Variants in PLEKHM1 observed in about 807,000 individuals in gnomAD.
The protein encoded by PLEKHM1 is pleckstrin homology and RUN domain containing M1.
A neutral mutation model predicts 94.3 loss-of-function variants in PLEKHM1; 28 were observed. That is an observed-to-expected ratio of 0.30 (90% CI 0.22 to 0.41). The LOEUF (loss-of-function observed/expected upper bound fraction) is 0.41. Ranked by LOEUF, PLEKHM1 falls within the 10% of genes least tolerant of loss-of-function variation. PLEKHM1 has a pLI of 1.00. For missense variants in PLEKHM1, 907 were observed against 1,358.6 expected (o/e 0.67, Z 5.22); for synonymous variants, 424 against 581.2 (o/e 0.73, Z 3.89).
rs759505910 is a variant in PLEKHM1, at chr17:45,440,225, G to A, written c.2839C>T (p.Leu947Phe). The part of the protein sequence containing the change: ...SGALKELSKR[L>F]NHRNYLLESP... ...TCCAAGAGATAATTCCTGTGGTTGA[G>A]CCTTCAAACAAAACACAAGCGATTC... Residue 947 changes from leucine (L) to phenylalanine (F), a missense_variant and splice_region_variant, in exon 10 of 12, where the codon CTC (leucine) becomes TTC (phenylalanine). Leu to Phe is a conservative substitution (Grantham distance 22). Coordinates refer to ENST00000430334, the MANE Select transcript of PLEKHM1 (RefSeq NM_014798.3). 3 of 1,613,954 alleles carry A rather than the reference G, an allele frequency of 1.9e-6. No individual in the cohort carries two copies. The highest frequency in any genetic ancestry group is 2.5e-6 in the Non-Finnish European group (3 of 1,179,840).
At position 45,486,547 on chromosome 17, in the gene PLEKHM1, T is replaced by G. The variant is rs10432041; in HGVS notation, c.-41-4022A>C. Among the ~76,000 whole-genome samples, 6 of 151,816 alleles carry G rather than the reference T, an allele frequency of 4.0e-5. No individual in the cohort carries two copies. The East Asian group carries it at 1.2e-3, about 29-fold the overall frequency. On this transcript the variant is annotated intron_variant, in intron 1 of 11. Coordinates refer to ENST00000430334, the MANE Select transcript of PLEKHM1 (RefSeq NM_014798.3). ...CAAGATTGTGCCACTGCACCCCAGC[T>G]TGGGCAACAGAGCGAGACTCCATCT... is the stretch of plus-strand genomic sequence containing the variant.
chr17:45,453,276 G>C lies in PLEKHM1; in HGVS notation c.2497+79C>G. Reference sequence around the variant, plus strand: ...GGGGCATTTGCGGGGAGGCAGAAGGGTGGGGAGCCTAAATCAGGAACCAGC... The same window carrying C: ...GGGGCATTTGCGGGGAGGCAGAAGGCTGGGGAGCCTAAATCAGGAACCAGC... On this transcript the variant is annotated intron_variant, in intron 7 of 11. Transcript: ENST00000430334. This position sits in a 1 kb window ranked among gnomAD's most constrained non-coding sequence, Gnocchi z 4.1. 1 of 1,460,608 alleles carries C rather than the reference G, an allele frequency of 6.8e-7. No homozygotes were observed. The highest frequency in any genetic ancestry group is 1.4e-5 in the African/African-American group (1 of 71,452). The allele number at this position is 1,460,608 out of a possible 1,614,324, so 90.5% of individuals were successfully genotyped here.
chr17:45,485,579 C>A (rs556953636), intron 1 of PLEKHM1, among the ~76,000 whole-genome samples: 2 of 152,278 alleles, frequency 1.3e-5, no homozygotes, highest in Admixed American at 1.3e-4. Context: ...TAAGTGAGTG[C>A]TCTGGCCAAG....
chr17:45,453,157 C>T lies in PLEKHM1; in HGVS notation c.2497+198G>A. ...AGGGACGGGTGAGCAGGGCCCACTG[C>T]CTATGAGCAGGGCACTGGCCCCAGC... On this transcript the variant is annotated intron_variant, in intron 7 of 11. Coordinates refer to ENST00000430334, the MANE Select transcript of PLEKHM1 (RefSeq NM_014798.3). This position sits in a 1 kb window ranked among gnomAD's most constrained non-coding sequence, Gnocchi z 4.1. The T allele has an allele frequency of 1.6e-6, 1 of 639,916 alleles. No individual in the cohort carries two copies. Among genetic ancestry groups the T allele is most frequent in the Non-Finnish European group, 2.8e-6 (1 of 356,144 alleles). 39.6% of individuals were successfully genotyped at this position (639,916 alleles called of 1,614,324 possible).
intron 4 of PLEKHM1, among the ~76,000 whole-genome samples, chr17:45,469,525 G>A (rs960229157): frequency 6.6e-6 from 1 of 152,204 alleles, no homozygotes; most frequent in African/African-American, 2.4e-5. Flanking sequence ...AGTGGAGCAT[G>A]TCATGGGCAA....
rs1268246702 is a variant in PLEKHM1, at chr17:45,463,080, T to C, written c.1309-4641A>G. ...CCACCTGGGCAACAGCACAAGAGTC[T>C]GTGTCAAAAAAAAAAAAAAAAAAGT... On this transcript the variant is annotated intron_variant, in intron 5 of 11. Transcript: ENST00000430334. Among the ~76,000 whole-genome samples the C allele has an allele frequency of 4.2e-5, 6 of 141,646 alleles. No homozygotes were observed. In the East Asian group the frequency reaches 1.2e-3, roughly 28 times the overall value. 92.9% of individuals were successfully genotyped at this position (141,646 alleles called of 152,430 possible). A position where few individuals can be genotyped will look rare whatever the true frequency, so the allele number is the denominator to read the frequency against.
Position 45,453,374 on chromosome 17 carries a change from G to C in PLEKHM1, c.2478C>G (p.Ser826=). 1 of 1,613,674 alleles carries C rather than the reference G, an allele frequency of 6.2e-7. No individual in the cohort carries two copies. Among genetic ancestry groups the C allele is most frequent in the Non-Finnish European group, 8.5e-7 (1 of 1,179,712 alleles). The part of the protein sequence containing the change: ...VAIPMEKGLD[S]QGCFCAGCSR... Reference sequence around the variant, plus strand: ...CGGCACCTGCGCAGAAGCAGCCTTGGGAGTCAAGGCCTTTCTCCATGGGGA... The same window carrying C: ...CGGCACCTGCGCAGAAGCAGCCTTGCGAGTCAAGGCCTTTCTCCATGGGGA... Residue 826 remains serine (S), a synonymous_variant, in exon 7 of 12, where the codon TCC becomes TCG. Coordinates refer to ENST00000430334, the MANE Select transcript of PLEKHM1 (RefSeq NM_014798.3). This position sits in a 1 kb window ranked among gnomAD's most constrained non-coding sequence, Gnocchi z 4.1.
chr17:45,444,756 C>T lies in PLEKHM1; in HGVS notation c.2837+714G>A, dbSNP rs563041351. On this transcript the variant is annotated intron_variant, in intron 9 of 11. Transcript: ENST00000430334. The surrounding 1 kb of genome is among the most constrained non-coding windows in gnomAD (Gnocchi z 5.0). ...TCCTTTCTGATTCTTCCTAATTTTT[C>T]AAGTCTCACCTTATAAGTCACTTCC... Among the ~76,000 whole-genome samples the T allele has an allele frequency of 1.3e-5, 2 of 152,202 alleles. No homozygotes were observed. The highest frequency in any genetic ancestry group is 4.1e-4 in the South Asian group (2 of 4,826).
Position 45,489,060 on chromosome 17 carries a change from T to C in PLEKHM1, c.-42+1592A>G, listed in dbSNP as rs886607998. On this transcript the variant is annotated intron_variant, in intron 1 of 11. Transcript: ENST00000430334. Reference sequence around the variant, plus strand: ...CCCAGGAAACTATAAATGCTGAGCATGGGACTTGGGTGCCTCTGGAATGTC... The same window carrying C: ...CCCAGGAAACTATAAATGCTGAGCACGGGACTTGGGTGCCTCTGGAATGTC... Among the ~76,000 whole-genome samples the C allele has an allele frequency of 5.6e-4, 85 of 152,352 alleles. 1 individual carries two copies. The highest frequency in any genetic ancestry group is 2.0e-3 in the African/African-American group (83 of 41,592).
At chr17:45,458,507 G>T in intron 5 of PLEKHM1, 68 bp from the exon 6 acceptor site, 1 of 1,489,362 alleles carries the variant, frequency 6.7e-7, no homozygotes, top group South Asian at 1.2e-5. Flanking sequence ...GTCTCGCTCT[G>T]TTGCCCAGGC....
intron 11 of PLEKHM1, among the ~76,000 whole-genome samples, chr17:45,439,129 A>G (rs1478266630): frequency 6.6e-6 from 1 of 152,238 alleles, no homozygotes; most frequent in Admixed American, 6.5e-5. Flanking sequence ...CCAACAGTGC[A>G]GGGTGGTAAC....
chr17:45,478,183 G>A (rs1373463338), intron 2 of PLEKHM1, 36 bp from the exon 3 acceptor site: 38 of 1,613,782 alleles, frequency 2.4e-5, no homozygotes, highest in Non-Finnish European at 3.1e-5. Flanking sequence ...GCCTTTAGCG[G>A]AAAATCCTAT....
chr17:45,487,104 C>T (rs1222989630), intron 1 of PLEKHM1, among the ~76,000 whole-genome samples: 1 of 152,130 alleles, frequency 6.6e-6, no homozygotes, highest in Non-Finnish European at 1.5e-5. Flanking sequence ...TTGAACATGA[C>T]GGGTGAAATC....
intron 4 of PLEKHM1, among the ~76,000 whole-genome samples, chr17:45,468,810 A>G (rs1205891286): frequency 6.6e-6 from 1 of 152,112 alleles, no homozygotes; most frequent in African/African-American, 2.4e-5. Context: ...TGGACAGGTG[A>G]TTTGTGGAGC....
intron 3 of PLEKHM1, 139 bp downstream of exon 3, chr17:45,477,761 T>G: frequency 1.0e-6 from 1 of 989,872 alleles, no homozygotes; most frequent in Non-Finnish European, 1.6e-6. Context: ...GAAGACACTT[T>G]CAACCCCTAC....
chr17:45,479,475 AC>A (rs1451418756), intron 2 of PLEKHM1, among the ~76,000 whole-genome samples: 2 of 147,652 alleles, frequency 1.4e-5, no homozygotes, highest in East Asian at 4.0e-4. Flanking sequence ...CCAAGATCGC[AC>A]CACTGCACTC....
chr17:45,472,323 C>T (rs1179911249), intron 4 of PLEKHM1, among the ~76,000 whole-genome samples: 1 of 152,140 alleles, frequency 6.6e-6, no homozygotes, highest in African/African-American at 2.4e-5. Context: ...ACACCACTGT[C>T]CGGCATTTGT....
chr17:45,439,335 A>G, intron 11 of PLEKHM1, 142 bp downstream of exon 11: 1 of 933,800 alleles, frequency 1.1e-6, no homozygotes. Flanking sequence ...CAACAACTGC[A>G]CCACCCCTTG....
intron 1 of PLEKHM1, among the ~76,000 whole-genome samples, chr17:45,486,678 G>A (rs1183199077): frequency 1.3e-5 from 2 of 152,174 alleles, no homozygotes. Flanking sequence ...CAAAATGACT[G>A]ACAAGAGCTC....
Sources: gnomAD v4.1 joint callset for allele counts (sites outside exome capture counted in the v4.1 genomes callset) on GRCh38, gnomAD v4.1.1 for gene constraint, Gnocchi (gnomAD v3.1) non-coding constraint, MANE v1.5 for transcripts, NCBI Gene and HGNC (gene_info 2026-07-23, HGNC 2026-07-21) for gene names.